The following ALK variants were observed in gnomAD, a reference collection of about 807,000 sequenced individuals.
ALK encodes the protein ALK receptor tyrosine kinase.
Under a neutral mutation model 163.1 loss-of-function variants are expected in ALK, and 74 were observed. That is an observed-to-expected ratio of 0.45 (90% CI 0.38 to 0.55). The LOEUF (loss-of-function observed/expected upper bound fraction) is 0.55, where lower values mean the gene tolerates loss of function less well. Ranked by LOEUF, ALK falls within the 20% of genes least tolerant of loss-of-function variation. ALK has a pLI of 0.00. For synonymous variants in ALK, 960 were observed against 843.2 expected (o/e 1.14, Z -2.40); for missense variants, 2,063 against 2,105.3 (o/e 0.98, Z 0.39).
At chr2:29,539,450 G>A (rs1005638394) in intron 3 of ALK, among the ~76,000 whole-genome samples, 1 of 151,998 alleles carries the variant, frequency 6.6e-6, no homozygotes, top group African/African-American at 2.4e-5. Context: ...TGCCAGTTGT[G>A]TCTTTAAGTA....
chr2:29,609,767 C>T (rs1407882567), intron 3 of ALK, among the ~76,000 whole-genome samples: 2 of 152,102 alleles, frequency 1.3e-5, no homozygotes, highest in Non-Finnish European at 2.9e-5. Context: ...CCTCAGCCTC[C>T]TGAGTAGCTG....
chr2:29,725,056 C>T (rs1170050182), intron 1 of ALK, among the ~76,000 whole-genome samples: 1 of 151,282 alleles, frequency 6.6e-6, no homozygotes, highest in African/African-American at 2.4e-5. Context: ...AAAGCATGTA[C>T]CCCTTCCCAA....
intron 3 of ALK, among the ~76,000 whole-genome samples, chr2:29,534,025 G>C (rs181872900): frequency 4.1e-4 from 62 of 152,292 alleles, no homozygotes; most frequent in Non-Finnish European, 7.3e-4. Context: ...ATGATGTTTG[G>C]CTGCAGAGTA....
chr2:29,399,841 T>C (rs1403229468), intron 4 of ALK, among the ~76,000 whole-genome samples: 1 of 152,164 alleles, frequency 6.6e-6, no homozygotes, highest in Non-Finnish European at 1.5e-5. Context: ...TTGGTTCTTG[T>C]GGTACTGGGA....
intron 3 of ALK, 99 bp downstream of exon 3, chr2:29,694,751 A>T: frequency 6.7e-7 from 1 of 1,485,624 alleles, no homozygotes; most frequent in Non-Finnish European, 9.3e-7. Context: ...CAAAGTAAAC[A>T]GAGCAGAACA....
In ALK at chr2:29,239,960, C is replaced by T. The variant is rs930256808; in HGVS notation, c.2205-130G>A. ...CTGAGGGTTCTCCCCCATATCAGTC[C>T]CTGCAGAAAGGGATTCTTCTCCCCC... On this transcript the variant is annotated intron_variant, in intron 12 of 28. Coordinates refer to ENST00000389048, the MANE Select transcript of ALK (RefSeq NM_004304.5). The T allele has an allele frequency of 1.9e-5, 21 of 1,113,828 alleles. No individual in the cohort carries two copies. In the Admixed American group the frequency reaches 4.4e-4, roughly 24 times the overall value. 69.0% of individuals were successfully genotyped at this position (1,113,828 alleles called of 1,614,324 possible).
At chr2:29,323,629 T>C (rs1667143677) in intron 6 of ALK, among the ~76,000 whole-genome samples, 1 of 152,128 alleles carries the variant, frequency 6.6e-6, no homozygotes, top group Non-Finnish European at 1.5e-5. Flanking sequence ...GATTGTAAAC[T>C]CATCAGGGCA....
intron 4 of ALK, among the ~76,000 whole-genome samples, chr2:29,516,842 A>C (rs1211225573): frequency 6.6e-6 from 1 of 152,234 alleles, no homozygotes; most frequent in Non-Finnish European, 1.5e-5. Context: ...GACAGCAATG[A>C]GCTGGGTTAG....
intron 3 of ALK, among the ~76,000 whole-genome samples, chr2:29,570,393 G>A (rs1467665329): frequency 6.6e-6 from 1 of 152,210 alleles, no homozygotes; most frequent in African/African-American, 2.4e-5. Context: ...GTTTTCCAAG[G>A]AAGCTTGGCA....
At chr2:29,424,507 C>A (rs1023446405) in intron 4 of ALK, among the ~76,000 whole-genome samples, 26 of 152,228 alleles carry the variant, frequency 1.7e-4, no homozygotes, top group Admixed American at 4.6e-4. Context: ...TTATGATTAC[C>A]ATTAAGGCAA....
chr2:29,233,680 T>C lies in ALK; in HGVS notation c.2372A>G (p.Gln791Arg). Residue 791 changes from glutamine (Q) to arginine (R), a missense_variant, in exon 14 of 29, where the codon CAG becomes CGG. Physicochemically the swap from Gln to Arg is conservative, Grantham distance 43. Coordinates refer to ENST00000389048, the MANE Select transcript of ALK (RefSeq NM_004304.5). Reference protein sequence around the residue: ...DACPSTNQLIQKVCIGENNVI... With the variant: ...DACPSTNQLIRKVCIGENNVI... ...ATTGTTCTCTCCAATGCAGACTTTC[T>C]GGATTAACTGGTTTGTCTGTAGAAA... 6.2e-7 allele frequency: 1 copy of C among 1,614,250 alleles called. No homozygotes were observed. The highest frequency in any genetic ancestry group is 8.5e-7 in the Non-Finnish European group (1 of 1,180,046).
At chr2:29,263,425 C>G (rs531078489) in intron 11 of ALK, among the ~76,000 whole-genome samples, 1 of 152,172 alleles carries the variant, frequency 6.6e-6, no homozygotes, top group Non-Finnish European at 1.5e-5. Flanking sequence ...GACAGATGAG[C>G]AGACGGAGGT....
intron 4 of ALK, among the ~76,000 whole-genome samples, chr2:29,474,410 A>G (rs977265617): frequency 2.0e-5 from 3 of 152,214 alleles, no homozygotes; most frequent in Non-Finnish European, 2.9e-5. Flanking sequence ...AATTCCATGA[A>G]TGATTTCCTT....
At chr2:29,642,008 G>A (rs539278600) in intron 3 of ALK, among the ~76,000 whole-genome samples, 37 of 152,230 alleles carry the variant, frequency 2.4e-4, no homozygotes, top group African/African-American at 8.7e-4. Flanking sequence ...CTTTGTATGT[G>A]GAGCCTGAGA....
At chr2:29,514,958 G>A (rs1672623159) in intron 4 of ALK, among the ~76,000 whole-genome samples, 1 of 152,170 alleles carries the variant, frequency 6.6e-6, no homozygotes, top group Non-Finnish European at 1.5e-5. Context: ...CCTTGGCTTT[G>A]AAGATAAGGA....
rs1668935395 is a variant in ALK at position 29,193,516 on chromosome 2, T to C, written c.4571A>G (p.Lys1524Arg). 1.2e-6 allele frequency: 2 copies of C among 1,614,198 alleles called. No individual in the cohort carries two copies. Among genetic ancestry groups the C allele is most frequent in the Admixed American group, 1.7e-5 (1 of 60,020 alleles). The change falls in exon 29 of 29, where the codon AAG (lysine) becomes AGG (arginine). Residue 1524 changes from lysine (K) to arginine (R), a missense_variant. Lys to Arg is a conservative substitution (Grantham distance 26, BLOSUM62 2). Coordinates refer to ENST00000389048, the MANE Select transcript of ALK (RefSeq NM_004304.5). ...GTTACCCCTGTCGTGTGGCTCCTTC[T>C]TTGCTATAGGATTATTCTTTTTGGT... The part of the protein sequence containing the change: ...KPTKKNNPIA[K>R]KEPHDRGNLG...
intron 3 of ALK, among the ~76,000 whole-genome samples, chr2:29,597,210 TC>T (rs1452880972): frequency 6.6e-6 from 1 of 152,168 alleles, no homozygotes; most frequent in Non-Finnish European, 1.5e-5. Flanking sequence ...AAAGGGAAAG[TC>T]TGTTGGAAAT....
At chr2:29,643,133 A>C (rs2148247173) in intron 3 of ALK, among the ~76,000 whole-genome samples, 1 of 152,262 alleles carries the variant, frequency 6.6e-6, no homozygotes, top group East Asian at 1.9e-4. Flanking sequence ...AAAGAAGATA[A>C]TCTTTTTGGC....
chr2:29,595,107 C>G (rs1675173305), intron 3 of ALK, among the ~76,000 whole-genome samples: 1 of 152,010 alleles, frequency 6.6e-6, no homozygotes, highest in African/African-American at 2.4e-5. Context: ...ATTGTGATGC[C>G]AAGTAGACGA....
Sources: allele counts gnomAD v4.1 joint callset (sites outside exome capture counted in the v4.1 genomes callset), GRCh38; gene constraint gnomAD v4.1.1; transcripts MANE v1.5; gene names NCBI Gene and HGNC (gene_info 2026-07-23, HGNC 2026-07-21).